The following NUDT3 variants were observed in gnomAD, a reference collection of about 807,000 sequenced individuals.
The protein encoded by NUDT3 is nudix hydrolase 3.
In NUDT3, 9 loss-of-function variants were observed where a neutral mutation model predicts 23.6. The ratio of observed to expected loss-of-function variants is 0.38; its 90% CI spans 0.23 to 0.66. The LOEUF (loss-of-function observed/expected upper bound fraction) is 0.66, where lower values mean the gene tolerates loss of function less well. NUDT3 is among the 30% of genes least tolerant of loss of function. The pLI, the probability that NUDT3 is intolerant of heterozygous loss-of-function variation, is 0.52. For synonymous variants in NUDT3, 86 were observed against 82.6 expected (o/e 1.04, Z -0.22); for missense variants, 172 against 218.5 (o/e 0.79, Z 1.34).
intron 2 of NUDT3, among the ~76,000 whole-genome samples, chr6:34,304,385 T>C (rs1763645176): frequency 6.7e-6 from 1 of 150,110 alleles, no homozygotes; most frequent in African/African-American, 2.5e-5. Flanking sequence ...GGCAACATAG[T>C]GAGACCCCAT....
intron 2 of NUDT3, among the ~76,000 whole-genome samples, chr6:34,333,010 T>C (rs1041010291): frequency 1.4e-4 from 21 of 152,142 alleles, no homozygotes; most frequent in Non-Finnish European, 2.8e-4. Context: ...TTTTCTTTTT[T>C]ATTACAGAAA....
chr6:34,299,314 G>T (rs545100528), intron 2 of NUDT3, among the ~76,000 whole-genome samples: 1 of 152,314 alleles, frequency 6.6e-6, no homozygotes, highest in Non-Finnish European at 1.5e-5. Context: ...TATGTCAAAA[G>T]CCACTAATCT....
intron 2 of NUDT3, among the ~76,000 whole-genome samples, chr6:34,332,442 C>T (rs1173069420): frequency 6.6e-6 from 1 of 151,898 alleles, no homozygotes; most frequent in Admixed American, 6.6e-5. Flanking sequence ...TCAGGGGCCA[C>T]CTCAGAGGCA....
chr6:34,289,094 T>C (rs756998047), intron 4 of NUDT3, among the ~76,000 whole-genome samples, 163 bp from the exon 5 acceptor site: 1 of 152,206 alleles, frequency 6.6e-6, no homozygotes, highest in Non-Finnish European at 1.5e-5. Context: ...ATTATATCAA[T>C]GTCTAATGCA....
intron 2 of NUDT3, among the ~76,000 whole-genome samples, chr6:34,328,059 T>C (rs963196312): frequency 6.6e-6 from 1 of 152,276 alleles, no homozygotes; most frequent in Admixed American, 6.5e-5. Context: ...TGATCATCTC[T>C]ATATCTAATT....
At chr6:34,381,222 T>C (rs1207895001) in intron 1 of NUDT3, among the ~76,000 whole-genome samples, 2 of 152,048 alleles carry the variant, frequency 1.3e-5, no homozygotes, top group Non-Finnish European at 2.9e-5. Flanking sequence ...CCCACTACAT[T>C]GCTCAGCCTT....
At chr6:34,348,417 G>A (rs1764414099) in intron 1 of NUDT3, among the ~76,000 whole-genome samples, 1 of 152,124 alleles carries the variant, frequency 6.6e-6, no homozygotes, top group South Asian at 2.1e-4. Context: ...AGGAGGTCGA[G>A]GCTGCAGTGA....
rs150953205 is a variant in NUDT3, at chr6:34,391,338, T to C, written c.99+926A>G. On this transcript the variant is annotated intron_variant, in intron 1 of 4. Transcript: ENST00000607016. ...ATTTTACCACCATGCACACGAGAAA[T>C]GCATTCCCACAGGCATCTTATGAAT... is the stretch of plus-strand genomic sequence containing the variant. 2.2e-3 allele frequency among the ~76,000 whole-genome samples: 331 copies of C among 152,336 alleles called. 2 individuals are homozygous for C. The highest frequency in any genetic ancestry group is 7.6e-3 in the African/African-American group (317 of 41,584).
intron 1 of NUDT3, among the ~76,000 whole-genome samples, chr6:34,391,454 AT>A (rs992118633): frequency 1.3e-5 from 2 of 151,762 alleles, no homozygotes; most frequent in Non-Finnish European, 2.9e-5. Flanking sequence ...GGAAGCCGAG[AT>A]TTTTTTTTAA....
At chr6:34,342,766 C>A (rs1446022349) in intron 1 of NUDT3, among the ~76,000 whole-genome samples, 2 of 152,196 alleles carry the variant, frequency 1.3e-5, no homozygotes, top group Non-Finnish European at 2.9e-5. Context: ...TTCAACTGCT[C>A]CCTAAACCAT....
At chr6:34,375,454 G>A (rs1764906721) in intron 1 of NUDT3, among the ~76,000 whole-genome samples, 1 of 152,176 alleles carries the variant, frequency 6.6e-6, no homozygotes, top group African/African-American at 2.4e-5. Flanking sequence ...TACACAGAAG[G>A]CCCACAATTG....
At chr6:34,297,154 G>C (rs929876835) in intron 2 of NUDT3, among the ~76,000 whole-genome samples, 1 of 151,890 alleles carries the variant, frequency 6.6e-6, no homozygotes. Context: ...GGATGGTCTC[G>C]ATCTCCTGAC....
chr6:34,370,228 G>C (rs567738095), intron 1 of NUDT3, among the ~76,000 whole-genome samples: 695 of 152,236 alleles, frequency 4.6e-3, no homozygotes, highest in Non-Finnish European at 7.1e-3. Flanking sequence ...ATCTAAACCT[G>C]AATAATGCTG....
In NUDT3 at chr6:34,286,350, G is replaced by C. The variant is rs1763333411; in HGVS notation, c.*2403C>G. ...CCTGCCTTGGCCTCCCAAAGTGCTG[G>C]GATTACAGGTGTGAGCCACTACACC... On this transcript the variant is annotated 3_prime_UTR_variant, in exon 5 of 5. Transcript: ENST00000607016. The C allele has an allele frequency of 6.6e-6, 1 of 152,204 alleles. No individual in the cohort carries two copies. The highest frequency in any genetic ancestry group is 2.1e-4 in the South Asian group (1 of 4,830). 9.4% of individuals were successfully genotyped at this position (152,204 alleles called of 1,614,324 possible). A position where few individuals can be genotyped will look rare whatever the true frequency, so the allele number is the denominator to read the frequency against.
intron 2 of NUDT3, among the ~76,000 whole-genome samples, chr6:34,300,780 A>G (rs973173463): frequency 3.3e-5 from 5 of 152,186 alleles, no homozygotes; most frequent in Non-Finnish European, 7.3e-5. Context: ...GTGTTCTGTT[A>G]TTATTCGTAG....
intron 2 of NUDT3, among the ~76,000 whole-genome samples, chr6:34,325,264 G>A (rs543572417): frequency 3.3e-5 from 5 of 151,896 alleles, no homozygotes; most frequent in East Asian, 1.9e-4. Context: ...ACAGGGTCTC[G>A]ATCTGTTGCC....
In NUDT3 at chr6:34,375,929, C is replaced by CTTT. The variant is rs200543490; in HGVS notation, c.99+16334_99+16335insAAA. ...CACCTCCGCTTTTATGACAGTGCTT[C>CTTT]GAGTGCCATGATGCCCCAAGCTCAG... On this transcript the variant is annotated intron_variant, in intron 1 of 4. Coordinates refer to ENST00000607016, the MANE Select transcript of NUDT3 (RefSeq NM_006703.4). Among the ~76,000 whole-genome samples, 1,395 of 152,224 alleles carry CTTT rather than the reference C, an allele frequency of 9.2e-3. 13 individuals are homozygous for CTTT. The highest frequency in any genetic ancestry group is 0.024 in the Middle Eastern group (7 of 294).
At chr6:34,369,855 CCCTAATCCTGACCTCTT>C (rs1164868384) in intron 1 of NUDT3, among the ~76,000 whole-genome samples, 1 of 152,132 alleles carries the variant, frequency 6.6e-6, no homozygotes, top group Non-Finnish European at 1.5e-5. Context: ...GACCCAGAGA[CCCTAATCCTGACCTCTT>C]CCTAGTATGA....
At chr6:34,378,118 C>T (rs1022316990) in intron 1 of NUDT3, among the ~76,000 whole-genome samples, 1 of 149,478 alleles carries the variant, frequency 6.7e-6, no homozygotes, top group African/African-American at 2.5e-5. Flanking sequence ...ACTAGCCTAG[C>T]GAGATCTTGT....
Sources: gnomAD v4.1 joint callset for allele counts (sites outside exome capture counted in the v4.1 genomes callset) on GRCh38, gnomAD v4.1.1 for gene constraint, MANE v1.5 for transcripts, NCBI Gene and HGNC (gene_info 2026-07-23, HGNC 2026-07-21) for gene names.